The following DIP2A variants were observed in gnomAD, a reference collection of about 807,000 sequenced individuals.
DIP2A encodes disco-interacting protein 2 homolog A.
A neutral mutation model predicts 177.4 loss-of-function variants in DIP2A; 85 were observed. The observed-to-expected ratio is 0.48, with a 90% confidence interval of 0.40 to 0.57. The LOEUF (loss-of-function observed/expected upper bound fraction) is 0.57, where lower values mean the gene tolerates loss of function less well. Among genes scored for constraint, DIP2A ranks in the 20% least tolerant of loss-of-function variants. The pLI, the probability that DIP2A is intolerant of heterozygous loss-of-function variation, is 0.00. For missense variants in DIP2A, 1,791 were observed against 2,100.2 expected (o/e 0.85, Z 2.88); for synonymous variants, 886 against 881.8 (o/e 1.00, Z -0.08).
rs371724700 is a variant in DIP2A, at chr21:46,551,760, G to A, written c.2949+17G>A. 57 of 1,613,576 alleles carry A rather than the reference G, an allele frequency of 3.5e-5. No homozygotes were observed. Among genetic ancestry groups the A allele is most frequent in the East Asian group, 3.3e-4 (15 of 44,894 alleles). On this transcript the variant is annotated intron_variant, in intron 24 of 37. Coordinates refer to ENST00000417564, the MANE Select transcript of DIP2A (RefSeq NM_015151.4). The stretch of plus-strand genomic sequence containing the variant: ...GCACGGAAGGTGACAGGCCAGTTCC[G>A]GGGACGGGTGGACGGGTGTCTGTGC...
chr21:46,460,561 A>G (rs1015481726), intron 1 of DIP2A, among the ~76,000 whole-genome samples: 1 of 152,254 alleles, frequency 6.6e-6, no homozygotes, highest in East Asian at 1.9e-4. Context: ...GCACTAGCAT[A>G]CAGTAAGTCA....
At chr21:46,471,944 A>G (rs1333649738) in intron 1 of DIP2A, among the ~76,000 whole-genome samples, 1 of 152,164 alleles carries the variant, frequency 6.6e-6, no homozygotes, top group East Asian at 1.9e-4. Context: ...GAGCTTTTAC[A>G]CTCTTTCAGA....
chr21:46,554,406 T>A, intron 26 of DIP2A, 114 bp downstream of exon 26: 2 of 1,553,644 alleles, frequency 1.3e-6, no homozygotes, highest in South Asian at 2.4e-5. Flanking sequence ...GCTCAGCCCC[T>A]CCTCTCTGCA....
chr21:46,527,911 C>T (rs927865771), intron 8 of DIP2A, among the ~76,000 whole-genome samples: 4 of 152,126 alleles, frequency 2.6e-5, no homozygotes, highest in Admixed American at 6.5e-5. Flanking sequence ...CTGCCTCTGT[C>T]GTCCTCTCTA....
At chr21:46,511,197 G>A (rs553344474) in intron 7 of DIP2A, among the ~76,000 whole-genome samples, 1 of 152,116 alleles carries the variant, frequency 6.6e-6, no homozygotes, top group Non-Finnish European at 1.5e-5. Context: ...ATGGTGGGTT[G>A]TTTTTAACTT....
intron 33 of DIP2A, 135 bp downstream of exon 33, chr21:46,560,918 C>T (rs1258952602): frequency 7.4e-6 from 11 of 1,482,172 alleles, no homozygotes; most frequent in Non-Finnish European, 9.0e-6. Flanking sequence ...ACCGGGACAC[C>T]TGGATGGGCA....
In DIP2A at chr21:46,563,780, G is replaced by A. The variant is rs1015622797; in HGVS notation, c.4090-78G>A. 40 of 1,560,132 alleles carry A rather than the reference G, an allele frequency of 2.6e-5. No individual in the cohort carries two copies. The highest frequency in any genetic ancestry group is 1.7e-4 in the Admixed American group (9 of 51,568). ...TCCTGCAGGCCAGCTTCTGAGGGAC[G>A]TTATTTTAATGTCACTGAATCAAGA... On this transcript the variant is annotated intron_variant, in intron 34 of 37. Coordinates refer to ENST00000417564, the MANE Select transcript of DIP2A (RefSeq NM_015151.4). This position sits in a 1 kb window ranked among gnomAD's most constrained non-coding sequence, Gnocchi z 4.3.
At chr21:46,564,396 A>G (rs761799620) in intron 35 of DIP2A, among the ~76,000 whole-genome samples, 3 of 152,206 alleles carry the variant, frequency 2.0e-5, no homozygotes, top group Non-Finnish European at 4.4e-5. Flanking sequence ...CTGAGGACAC[A>G]GTGGAGGGTG....
intron 1 of DIP2A, among the ~76,000 whole-genome samples, chr21:46,471,189 G>A (rs1158675762): frequency 2.6e-5 from 4 of 151,966 alleles, no homozygotes; most frequent in East Asian, 1.9e-4. Flanking sequence ...GCACTCTACC[G>A]TGCCTACTTT....
rs551195236 is a variant in DIP2A at position 46,498,761 on chromosome 21, C to G, written c.583C>G (p.Pro195Ala). Residue 195 changes from proline (P) to alanine (A), a missense_variant, in exon 5 of 38, where the codon CCC (proline) becomes GCC (alanine). Transcript: ENST00000417564. The surrounding 1 kb of genome is among the most constrained non-coding windows in gnomAD (Gnocchi z 4.3). ...SHPGGRPTTA[P>A]SAAATPGAAA... ...CCCGGGAGGGAGACCCACCACTGCT[C>G]CCAGTGCTGCAGCCACGCCGGGGGC... 5.0e-6 allele frequency: 8 copies of G among 1,613,882 alleles called. No individual in the cohort carries two copies. The South Asian group carries it at 5.5e-5, about 11-fold the overall frequency.
chr21:46,490,503 G>T, intron 2 of DIP2A, 97 bp from the exon 3 acceptor site: 1 of 1,375,700 alleles, frequency 7.3e-7, no homozygotes, highest in Non-Finnish European at 9.8e-7. Flanking sequence ...TAGAGGGTAT[G>T]CAACAGATGA....
At chr21:46,495,548 A>G (rs1198176924) in intron 3 of DIP2A, among the ~76,000 whole-genome samples, 1 of 151,698 alleles carries the variant, frequency 6.6e-6, no homozygotes, top group Non-Finnish European at 1.5e-5. Context: ...GATTACAGGC[A>G]TGAGCCACTG....
Position 46,563,382 on chromosome 21 carries a change from C to T in DIP2A, c.4090-476C>T, listed in dbSNP as rs543639420. 2.0e-5 allele frequency among the ~76,000 whole-genome samples: 3 copies of T among 152,314 alleles called. No individual in the cohort carries two copies. The highest frequency in any genetic ancestry group is 7.2e-5 in the African/African-American group (3 of 41,570). On this transcript the variant is annotated intron_variant, in intron 34 of 37. Transcript: ENST00000417564. The surrounding 1 kb of genome is among the most constrained non-coding windows in gnomAD (Gnocchi z 4.3). ...TGGGAGGCCAGGTAAGAGATGGTGG[C>T]CTCTTGCCGTCCTGAATTGGCACAG...
intron 34 of DIP2A, among the ~76,000 whole-genome samples, chr21:46,562,525 G>A (rs1229005366): frequency 6.6e-6 from 1 of 152,218 alleles, no homozygotes; most frequent in Non-Finnish European, 1.5e-5. Flanking sequence ...GAGGGGTCCA[G>A]AGAGGGACCC....
At chr21:46,539,568 C>T (rs1601745876) in intron 16 of DIP2A, 1 of 397,212 alleles carries the variant, frequency 2.5e-6, no homozygotes, top group South Asian at 2.1e-5. Flanking sequence ...TCCCCTGTTG[C>T]TGCACCTGAT....
At position 46,545,213 on chromosome 21, in the gene DIP2A, T is replaced by C; in HGVS notation, c.2253T>C (p.Ser751=). Residue 751 remains serine, a synonymous_variant, in exon 19 of 38, where the codon AGT becomes AGC. Coordinates refer to ENST00000417564, the MANE Select transcript of DIP2A (RefSeq NM_015151.4). ...ATGAAGTGGGAGAAATATGCGTCAG[T>C]TCCAGTGCAACTGGCACAGCGTACT... ...KTDEVGEICV[S]SSATGTAYYG... is the part of the protein sequence containing the mutation. The C allele has an allele frequency of 6.2e-7, 1 of 1,610,096 alleles. No individual in the cohort carries two copies. Among genetic ancestry groups the C allele is most frequent in the Non-Finnish European group, 8.5e-7 (1 of 1,176,626 alleles).
chr21:46,546,661 C>T (rs1422925658), intron 20 of DIP2A, among the ~76,000 whole-genome samples: 2 of 152,184 alleles, frequency 1.3e-5, no homozygotes, highest in Admixed American at 6.6e-5. Flanking sequence ...ACATAGCCTG[C>T]CCCTTTCCCA....
chr21:46,538,729 A>G lies in DIP2A; in HGVS notation c.1921+127A>G, dbSNP rs576031103. 2.0e-5 allele frequency: 27 copies of G among 1,326,238 alleles called. No homozygotes were observed. The South Asian group carries it at 3.9e-4, about 19-fold the overall frequency. The allele number at this position is 1,326,238 out of a possible 1,614,324, so 82.2% of individuals were successfully genotyped here. A position where few individuals can be genotyped will look rare whatever the true frequency, so the allele number is the denominator to read the frequency against. ...ATTGTCATATAGATACACATGTCCC[A>G]TCGTTTCTATGACACGGAACATCTT... On this transcript the variant is annotated intron_variant, in intron 16 of 37. Transcript: ENST00000417564.
chr21:46,536,530 GAAGT>G, intron 13 of DIP2A, among the ~76,000 whole-genome samples: 1 of 152,352 alleles, frequency 6.6e-6, no homozygotes, highest in East Asian at 1.9e-4. Context: ...GTAGAGTTGA[GAAGT>G]AAGAATATCC....
Sources: gnomAD v4.1 joint callset for allele counts (sites outside exome capture counted in the v4.1 genomes callset) on GRCh38, gnomAD v4.1.1 for gene constraint, Gnocchi (gnomAD v3.1) non-coding constraint, MANE v1.5 for transcripts, NCBI Gene and HGNC (gene_info 2026-07-23, HGNC 2026-07-21) for gene names.